Variants in RPF1 observed in about 807,000 individuals in gnomAD.
RPF1 encodes ribosome production factor 1.
A neutral mutation model predicts 41.9 loss-of-function variants in RPF1; 34 were observed. That is an observed-to-expected ratio of 0.81 (90% CI 0.62 to 1.08). The LOEUF is 1.08. Among genes scored for constraint, RPF1 ranks in the 50% least tolerant of loss-of-function variants. The pLI, the probability that RPF1 is intolerant of heterozygous loss-of-function variation, is 0.00. For synonymous variants in RPF1, 140 were observed against 148.9 expected (o/e 0.94, Z 0.43); for missense variants, 425 against 435.2 (o/e 0.98, Z 0.21).
Position 84,490,300 on chromosome 1 carries a change from T to G in RPF1, c.463-19T>G. 6.6e-7 allele frequency: 1 copy of G among 1,504,454 alleles called. No homozygotes were observed. The highest frequency in any genetic ancestry group is 1.3e-5 in the South Asian group (1 of 75,180). The allele number at this position is 1,504,454 out of a possible 1,614,324, so 93.2% of individuals were successfully genotyped here. On this transcript the variant is annotated intron_variant, in intron 4 of 8. Transcript: ENST00000370654. ...CTTTTTTGAAAACTATTCAAAATTT[T>G]TGTTATTTTGTTTTGCAGAGAACAG...
At chr1:84,495,509 G>A in intron 6 of RPF1, 54 bp downstream of exon 6, 2 of 778,412 alleles carry the variant, frequency 2.6e-6, no homozygotes, top group Non-Finnish European at 2.1e-6. Context: ...ATATTTATTT[G>A]ATCAATAGAT....
At chr1:84,484,413 T>C (rs1681704441) in intron 3 of RPF1, among the ~76,000 whole-genome samples, 1 of 151,586 alleles carries the variant, frequency 6.6e-6, no homozygotes, top group African/African-American at 2.4e-5. Flanking sequence ...CACTAGCTGT[T>C]CCAATAATGT....
At chr1:84,497,249 T>G (rs1399146461) in intron 8 of RPF1, among the ~76,000 whole-genome samples, 180 bp from the exon 9 acceptor site, 2 of 151,642 alleles carry the variant, frequency 1.3e-5, no homozygotes, top group Non-Finnish European at 2.9e-5. Context: ...ACACAGTAAC[T>G]GCCAACATCT....
At chr1:84,487,547 C>G (rs1355532741) in intron 3 of RPF1, among the ~76,000 whole-genome samples, 1 of 152,060 alleles carries the variant, frequency 6.6e-6, no homozygotes, top group African/African-American at 2.4e-5. Context: ...CATGAATTCT[C>G]TTTTTATTTT....
chr1:84,482,005 T>C (rs1374493899), intron 2 of RPF1, among the ~76,000 whole-genome samples: 2 of 152,226 alleles, frequency 1.3e-5, no homozygotes, highest in Non-Finnish European at 2.9e-5. Flanking sequence ...TCTTTTTAAT[T>C]CTTTTGTAAT....
rs758215993 is a variant in RPF1, at chr1:84,497,506, G to C, written c.*36G>C. ...GAATGATATTGGATTTTGCTGAACA[G>C]GCCTATCTTGAACTTTGGTAAATTA... On this transcript the variant is annotated 3_prime_UTR_variant, in exon 9 of 9. Transcript: ENST00000370654. 9.1e-5 allele frequency: 134 copies of C among 1,477,564 alleles called. 2 individuals carry two copies. The East Asian group carries it at 3.1e-3, about 34-fold the overall frequency. 91.5% of individuals were successfully genotyped at this position (1,477,564 alleles called of 1,614,324 possible). A position where few individuals can be genotyped will look rare whatever the true frequency, so the allele number is the denominator to read the frequency against.
chr1:84,497,426 C>G lies in RPF1; in HGVS notation c.1009-3C>G. 1 of 1,609,766 alleles carries G rather than the reference C, an allele frequency of 6.2e-7. No individual in the cohort carries two copies. Among genetic ancestry groups the G allele is most frequent in the Non-Finnish European group, 8.5e-7 (1 of 1,177,510 alleles). ...CCTCCACTCCCTTGCTTTCCACTTT[C>G]AGCCCCGGGAAATGGATACAAGTAG... On this transcript the variant is annotated splice_polypyrimidine_tract_variant and splice_region_variant and intron_variant, in intron 8 of 8. Transcript: ENST00000370654.
At chr1:84,484,932 A>C in intron 3 of RPF1, among the ~76,000 whole-genome samples, 1 of 152,038 alleles carries the variant, frequency 6.6e-6, no homozygotes, top group East Asian at 1.9e-4. Flanking sequence ...TCAGCCTCCT[A>C]AAGTGCTGGG....
chr1:84,485,452 T>C (rs999974248), intron 3 of RPF1, among the ~76,000 whole-genome samples: 1 of 152,144 alleles, frequency 6.6e-6, no homozygotes, highest in Non-Finnish European at 1.5e-5. Context: ...ACACAAACTT[T>C]TGACTGTGAC....
At chr1:84,486,440 T>G (rs1324419598) in intron 3 of RPF1, among the ~76,000 whole-genome samples, 4 of 151,746 alleles carry the variant, frequency 2.6e-5, no homozygotes, top group African/African-American at 9.7e-5. Flanking sequence ...ACAAAAAAAT[T>G]AGCCAGGTGT....
In RPF1 at chr1:84,479,395, CG is replaced by C. The variant is rs943442862; in HGVS notation, c.118del (p.Val40SerfsTer26). 1.9e-6 allele frequency: 3 copies of C among 1,614,042 alleles called. No homozygotes were observed. The African/African-American group carries it at 4.0e-5, about 22-fold the overall frequency. ...GCGCTGGGGATGGGGCGACGGAAAA[CG>C]GGGTCCAACCCCCGAAAGCGGCTGC... ...AGAGDGATEN[G>X]VQPPKAAAFP... On this transcript the variant is annotated frameshift_variant, in exon 1 of 9. Transcript: ENST00000370654. LOFTEE classifies it high-confidence loss of function.
Position 84,497,580 on chromosome 1 carries a change from C to A in RPF1, c.*110C>A. On this transcript the variant is annotated 3_prime_UTR_variant, in exon 9 of 9. Transcript: ENST00000370654. Reference sequence around the variant, plus strand: ...AAATGGCATTTGCTGATTTCATAAACCTTTCACGTCTGGACGAATTACCAA... The same window carrying A: ...AAATGGCATTTGCTGATTTCATAAAACTTTCACGTCTGGACGAATTACCAA... 1 of 722,370 alleles carries A rather than the reference C, an allele frequency of 1.4e-6. No homozygotes were observed. Among genetic ancestry groups the A allele is most frequent in the Non-Finnish European group, 2.2e-6 (1 of 450,796 alleles). 44.7% of individuals were successfully genotyped at this position (722,370 alleles called of 1,614,324 possible).
At chr1:84,492,459 A>G (rs1320282473) in intron 5 of RPF1, among the ~76,000 whole-genome samples, 1 of 152,206 alleles carries the variant, frequency 6.6e-6, no homozygotes, top group Non-Finnish European at 1.5e-5. Flanking sequence ...CAGCTGTGAT[A>G]TCAAATACAG....
chr1:84,495,766 A>G, intron 6 of RPF1, 116 bp from the exon 7 acceptor site: 1 of 639,750 alleles, frequency 1.6e-6, no homozygotes, highest in Non-Finnish European at 2.7e-6. Context: ...GTAGTTTGTC[A>G]CTAAAAAATA....
At chr1:84,487,938 G>A (rs1450044884) in intron 3 of RPF1, among the ~76,000 whole-genome samples, 1 of 151,926 alleles carries the variant, frequency 6.6e-6, no homozygotes, top group South Asian at 2.1e-4. Context: ...TATATTTTTG[G>A]AGTAGTGCAG....
chr1:84,496,517 C>T (rs1234340712), intron 8 of RPF1, 147 bp downstream of exon 8: 7 of 533,560 alleles, frequency 1.3e-5, no homozygotes, highest in African/African-American at 6.0e-5. Flanking sequence ...CACTATAGCA[C>T]GTTTACCTAT....
chr1:84,496,876 GTTT>G (rs1389211646), intron 8 of RPF1, among the ~76,000 whole-genome samples: 1 of 151,870 alleles, frequency 6.6e-6, no homozygotes, highest in Non-Finnish European at 1.5e-5. Flanking sequence ...TGTTGTTGTT[GTTT>G]TGTTTTTTTT....
chr1:84,483,051 A>G (rs534222222), intron 3 of RPF1, 56 bp downstream of exon 3: 9 of 1,165,966 alleles, frequency 7.7e-6, no homozygotes, highest in Non-Finnish European at 1.2e-5. Context: ...GATAAATTAT[A>G]TGTTTTTTTG....
chr1:84,497,277 A>T (rs754151558), intron 8 of RPF1, 152 bp from the exon 9 acceptor site: 27 of 601,244 alleles, frequency 4.5e-5, no homozygotes, highest in Non-Finnish European at 8.1e-5. Context: ...TAGACCGAAG[A>T]CTGACTATTC....
Sources: allele counts gnomAD v4.1 joint callset (sites outside exome capture counted in the v4.1 genomes callset), GRCh38; gene constraint gnomAD v4.1.1; transcripts MANE v1.5; gene names NCBI Gene and HGNC (gene_info 2026-07-23, HGNC 2026-07-21).